The following TNFRSF8 variants were observed in gnomAD, a reference collection of about 807,000 sequenced individuals.
TNFRSF8 encodes the protein tumor necrosis factor receptor superfamily member 8.
In TNFRSF8, 26 loss-of-function variants were observed where a neutral mutation model predicts 70.8. The ratio of observed to expected loss-of-function variants is 0.37; its 90% confidence interval spans 0.27 to 0.51. TNFRSF8 has a LOEUF of 0.51. Ranked by LOEUF, TNFRSF8 falls within the 20% of genes least tolerant of loss-of-function variation. The probability of loss-of-function intolerance (pLI) is 0.94; values close to 1 mark genes in which losing one functional copy is unlikely to be tolerated. For missense variants in TNFRSF8, 720 were observed against 807.9 expected (o/e 0.89, Z 1.32); for synonymous variants, 356 against 339.2 (o/e 1.05, Z -0.54).
At chr1:12,086,949 C>A (rs1040385673) in intron 2 of TNFRSF8, among the ~76,000 whole-genome samples, 1 of 152,018 alleles carries the variant, frequency 6.6e-6, no homozygotes. Context: ...AACATATGAA[C>A]TTTGTGGGGG....
rs199941905 is a variant in TNFRSF8 at position 12,108,074 on chromosome 1, A to ATTTTTTTTTTTTTTTTTTTTTT, written c.422-1485_422-1484insTTTTTTTTTTTTTTTTTTTTTT. ...CGAAGTCCCACACATACAGGCCACC[A>ATTTTTTTTTTTTTTTTTTTTTT]TTTTTTTATTTTTTTTTTTTTTGTG... is the stretch of plus-strand genomic sequence containing the variant. On this transcript the variant is annotated intron_variant, in intron 4 of 14. Transcript: ENST00000263932. The surrounding 1 kb of genome is among the most constrained non-coding windows in gnomAD (Gnocchi z 4.0). 1.4e-4 allele frequency among the ~76,000 whole-genome samples: 21 copies of ATTTTTTTTTTTTTTTTTTTTTT among 146,198 alleles called. No individual in the cohort carries two copies. Among genetic ancestry groups the ATTTTTTTTTTTTTTTTTTTTTT allele is most frequent in the African/African-American group, 2.0e-4 (8 of 39,776 alleles).
Position 12,109,478 on chromosome 1 carries a change from G to A in TNFRSF8, c.422-88G>A, listed in dbSNP as rs11569872. The A allele has an allele frequency of 1.8e-3, 1,962 of 1,104,772 alleles. 16 individuals carry two copies. The African/African-American group carries it at 0.025, about 14-fold the overall frequency. 68.4% of individuals were successfully genotyped at this position (1,104,772 alleles called of 1,614,324 possible). A position where few individuals can be genotyped will look rare whatever the true frequency, so the allele number is the denominator to read the frequency against. On this transcript the variant is annotated intron_variant, in intron 4 of 14. Coordinates refer to ENST00000263932, the MANE Select transcript of TNFRSF8 (RefSeq NM_001243.5). The surrounding 1 kb of genome is among the most constrained non-coding windows in gnomAD (Gnocchi z 4.4). ...TGTGTTTTCCAAGGGCCCCATCTCC[G>A]ACTCTGGCCTGTGGTAGTGAAGGGT... is the stretch of plus-strand genomic sequence containing the variant.
chr1:12,063,331 CT>C lies in TNFRSF8; in HGVS notation c.-262del. 1 of 375,074 alleles carries C rather than the reference CT, an allele frequency of 2.7e-6. No individual in the cohort carries two copies. The highest frequency in any genetic ancestry group is 4.6e-5 in the Admixed American group (1 of 21,868). The allele number at this position is 375,074 out of a possible 1,614,324, so 23.2% of individuals were successfully genotyped here. ...AGTCATCTCTGCACGTGTTTGCCCC[CT>C]TTTTTCTTCGCTGCTTGTAGCTAAG... On this transcript the variant is annotated 5_prime_UTR_variant, in exon 1 of 15. Transcript: ENST00000263932. The surrounding 1 kb of genome is among the most constrained non-coding windows in gnomAD (Gnocchi z 7.2).
intron 2 of TNFRSF8, among the ~76,000 whole-genome samples, chr1:12,090,007 A>G (rs558017304): frequency 1.3e-5 from 2 of 150,540 alleles, no homozygotes; most frequent in East Asian, 4.0e-4. Flanking sequence ...CTATCTACCC[A>G]TCTACCCACC....
intron 3 of TNFRSF8, 100 bp downstream of exon 3, chr1:12,097,317 G>A (rs867766233): frequency 1.2e-5 from 10 of 822,382 alleles, no homozygotes; most frequent in Admixed American, 2.2e-5. Context: ...ATCATGATTT[G>A]ATGTCTGTTC....
chr1:12,120,067 G>GCTAAATTACAA (rs1427344890), intron 8 of TNFRSF8, among the ~76,000 whole-genome samples: 73 of 152,068 alleles, frequency 4.8e-4, no homozygotes, highest in South Asian at 8.3e-4. Context: ...CTAAATTACA[G>GCTAAATTACAA]TCACTTCAGC....
chr1:12,140,480 C>T (rs961312174), intron 14 of TNFRSF8, among the ~76,000 whole-genome samples: 4 of 152,184 alleles, frequency 2.6e-5, no homozygotes, highest in African/African-American at 7.2e-5. Flanking sequence ...TCCCTGGACT[C>T]TGGAGCTCTG....
Position 12,110,841 on chromosome 1 carries a change from G to A in TNFRSF8, c.676+637G>A, listed in dbSNP as rs11569878. The stretch of plus-strand genomic sequence containing the variant: ...TCGAACTCCCGACCTCAGGTGATCC[G>A]CCCACCTCGGCCTCCCAAAGTGCTG... On this transcript the variant is annotated intron_variant, in intron 6 of 14. Transcript: ENST00000263932. The surrounding 1 kb of genome is among the most constrained non-coding windows in gnomAD (Gnocchi z 4.0). Among the ~76,000 whole-genome samples the A allele has an allele frequency of 0.019, 2,710 of 143,710 alleles. 34 individuals are homozygous for A. The highest frequency in any genetic ancestry group is 0.03 in the Non-Finnish European group (1,975 of 66,328). The allele number at this position is 143,710 out of a possible 152,430, so 94.3% of individuals were successfully genotyped here.
rs560346511 is a variant in TNFRSF8, at chr1:12,119,579, A to G, written c.947-3705A>G. The stretch of plus-strand genomic sequence containing the variant: ...TCTTTTTTTTTTTTTAACATGTATG[A>G]ATTTATCTTATATCTTTTATTATTA... On this transcript the variant is annotated intron_variant, in intron 8 of 14. Transcript: ENST00000263932. This position sits in a 1 kb window ranked among gnomAD's most constrained non-coding sequence, Gnocchi z 4.4. 2.0e-5 allele frequency among the ~76,000 whole-genome samples: 3 copies of G among 147,834 alleles called. No individual in the cohort carries two copies. The South Asian group carries it at 6.3e-4, about 31-fold the overall frequency.
At chr1:12,083,696 A>C (rs926098678) in intron 1 of TNFRSF8, among the ~76,000 whole-genome samples, 3 of 152,158 alleles carry the variant, frequency 2.0e-5, no homozygotes, top group Non-Finnish European at 4.4e-5. Flanking sequence ...CAACAAATTA[A>C]AAAAAAGAGA....
At chr1:12,133,709 C>T (rs926330287) in intron 12 of TNFRSF8, among the ~76,000 whole-genome samples, 1 of 144,564 alleles carries the variant, frequency 6.9e-6, no homozygotes, top group African/African-American at 2.6e-5. Context: ...TGCTGCACTT[C>T]ACCCTGGCGA....
rs529870391 is a variant in TNFRSF8, at chr1:12,092,260, C to A, written c.152-4841C>A. On this transcript the variant is annotated intron_variant, in intron 2 of 14. Coordinates refer to ENST00000263932, the MANE Select transcript of TNFRSF8 (RefSeq NM_001243.5). ...GTGGCATGATCATAGCCCACTGCAA[C>A]CTCTAACTCCTGGGCTGAAGTGATC... 3.7e-4 allele frequency among the ~76,000 whole-genome samples: 56 copies of A among 151,598 alleles called. No individual in the cohort carries two copies. The East Asian group carries it at 8.4e-3, about 23-fold the overall frequency.
chr1:12,130,088 A>G (rs1642020620), intron 12 of TNFRSF8, among the ~76,000 whole-genome samples: 1 of 152,024 alleles, frequency 6.6e-6, no homozygotes, highest in East Asian at 1.9e-4. Flanking sequence ...TTGTATTTTC[A>G]GTAGAGACAG....
In TNFRSF8 at chr1:12,087,867, C is replaced by T. The variant is rs116263473; in HGVS notation, c.151+3316C>T. Among the ~76,000 whole-genome samples the T allele has an allele frequency of 8.4e-3, 1,274 of 152,274 alleles. 27 individuals are homozygous for T. Among genetic ancestry groups the T allele is most frequent in the African/African-American group, 0.029 (1,214 of 41,544 alleles). ...GGGGGCTCCCTCCTCCCCACTTCCCCTCTCTAAGGCCCAGTGCTGGCTGGG... is the reference window on the plus strand; with the variant it reads ...GGGGGCTCCCTCCTCCCCACTTCCCTTCTCTAAGGCCCAGTGCTGGCTGGG... On this transcript the variant is annotated intron_variant, in intron 2 of 14. Transcript: ENST00000263932.
chr1:12,084,184 G>A (rs1259835211), intron 1 of TNFRSF8, among the ~76,000 whole-genome samples: 1 of 152,194 alleles, frequency 6.6e-6, no homozygotes, highest in Non-Finnish European at 1.5e-5. Context: ...ACTAGCCCCA[G>A]GTGAAGGTGG....
At chr1:12,084,439 C>T in intron 1 of TNFRSF8, 25 bp from the exon 2 acceptor site, 5 of 1,611,038 alleles carry the variant, frequency 3.1e-6, no homozygotes, top group Non-Finnish European at 4.2e-6. Flanking sequence ...TCCACCTGGC[C>T]TCACCAGCTT....
At chr1:12,070,619 C>T (rs1640825765) in intron 1 of TNFRSF8, among the ~76,000 whole-genome samples, 1 of 152,076 alleles carries the variant, frequency 6.6e-6, no homozygotes, top group South Asian at 2.1e-4. Flanking sequence ...CCACTGTGCC[C>T]AGCTGGAATG....
At chr1:12,126,133 C>T (rs753650361) in intron 11 of TNFRSF8, 50 bp from the exon 12 acceptor site, 2 of 1,613,650 alleles carry the variant, frequency 1.2e-6, no homozygotes, top group East Asian at 4.5e-5. Flanking sequence ...CCTGCCTGCT[C>T]CTGCTCTCTG....
Position 12,067,276 on chromosome 1 carries a change from C to T in TNFRSF8, c.63+3615C>T, listed in dbSNP as rs147168865. Among the ~76,000 whole-genome samples, 414 of 152,288 alleles carry T rather than the reference C, an allele frequency of 2.7e-3. 3 individuals carry two copies. Among genetic ancestry groups the T allele is most frequent in the African/African-American group, 9.1e-3 (380 of 41,552 alleles). ...AATTCCCCAACATCATGTTCCTTGC[C>T]AGTGCTAAGGCTAAACAAGCCTTCC... On this transcript the variant is annotated intron_variant, in intron 1 of 14. Coordinates refer to ENST00000263932, the MANE Select transcript of TNFRSF8 (RefSeq NM_001243.5).
Sources: allele counts gnomAD v4.1 joint callset (sites outside exome capture counted in the v4.1 genomes callset), GRCh38; gene constraint gnomAD v4.1.1; non-coding constraint Gnocchi (gnomAD v3.1); transcripts MANE v1.5; gene names NCBI Gene and HGNC (gene_info 2026-07-23, HGNC 2026-07-21).